The following HRK variants were observed in gnomAD, a reference collection of about 807,000 sequenced individuals.
HRK encodes activator of apoptosis harakiri.
In HRK, 6 loss-of-function variants were observed where a neutral mutation model predicts 5.9. That is an observed-to-expected ratio of 1.02 (90% confidence interval 0.56 to 2.01). HRK has a LOEUF of 2.01. HRK is among the 30% of genes most tolerant of loss of function. The pLI, the probability that HRK is intolerant of heterozygous loss-of-function variation, is 0.00. For synonymous variants in HRK, 85 were observed against 65.1 expected (o/e 1.31, Z -1.47); for missense variants, 133 against 128.3 (o/e 1.04, Z -0.18).
At position 116,861,012 on chromosome 12, in the gene HRK, T is replaced by G. The variant is rs951618317; in HGVS notation, c.*511A>C. ...TCACTTTTTTTTTCTATCATGCCTT[T>G]TGCACTGTTACCTCTTATTCCACCA... On this transcript the variant is annotated 3_prime_UTR_variant, in exon 2 of 2. Coordinates refer to ENST00000257572, the MANE Select transcript of HRK (RefSeq NM_003806.4). The G allele has an allele frequency of 6.6e-5, 10 of 152,134 alleles. No individual in the cohort carries two copies. Among genetic ancestry groups the G allele is most frequent in the African/African-American group, 9.7e-5 (4 of 41,434 alleles). 9.4% of individuals were successfully genotyped at this position (152,134 alleles called of 1,614,324 possible).
At position 116,859,451 on chromosome 12, in the gene HRK, T is replaced by C. The variant is rs954656209; in HGVS notation, c.*2072A>G. The C allele has an allele frequency of 1.3e-5, 2 of 152,134 alleles. No homozygotes were observed. Among genetic ancestry groups the C allele is most frequent in the Non-Finnish European group, 2.9e-5 (2 of 68,036 alleles). 9.4% of individuals were successfully genotyped at this position (152,134 alleles called of 1,614,324 possible). On this transcript the variant is annotated 3_prime_UTR_variant, in exon 2 of 2. Coordinates refer to ENST00000257572, the MANE Select transcript of HRK (RefSeq NM_003806.4). ...GTCTGTGGCTAAGAAAGTGATTAAA[T>C]AGAAGCAGTGACTGTATTTCATATT...
chr12:116,875,851 CAT>C (rs1878908209), intron 1 of HRK, among the ~76,000 whole-genome samples: 1 of 152,116 alleles, frequency 6.6e-6, no homozygotes, highest in Non-Finnish European at 1.5e-5. Context: ...GCTGATGTTG[CAT>C]AGTTTCTGAT....
At chr12:116,874,206 T>A (rs1878856413) in intron 1 of HRK, among the ~76,000 whole-genome samples, 2 of 152,204 alleles carry the variant, frequency 1.3e-5, no homozygotes, top group African/African-American at 4.8e-5. Flanking sequence ...CATCTCTGCA[T>A]CCCTGCATCT....
At chr12:116,868,967 C>T (rs997679479) in intron 1 of HRK, among the ~76,000 whole-genome samples, 1 of 65,410 alleles carries the variant, frequency 1.5e-5, no homozygotes, top group Non-Finnish European at 4.2e-5. Context: ...ACTTCTTCTT[C>T]GTTTTTTTTT....
At chr12:116,872,482 TAA>T (rs1179514421) in intron 1 of HRK, among the ~76,000 whole-genome samples, 1 of 152,016 alleles carries the variant, frequency 6.6e-6, no homozygotes, top group Non-Finnish European at 1.5e-5. Flanking sequence ...TTCCAAGTCT[TAA>T]AGTACCTATC....
In HRK at chr12:116,856,974, G is replaced by A. The variant is rs1056294938; in HGVS notation, c.*4549C>T. The A allele has an allele frequency of 6.6e-6, 1 of 152,246 alleles. No homozygotes were observed. The highest frequency in any genetic ancestry group is 1.5e-5 in the Non-Finnish European group (1 of 68,052). 9.4% of individuals were successfully genotyped at this position (152,246 alleles called of 1,614,324 possible). On this transcript the variant is annotated 3_prime_UTR_variant, in exon 2 of 2. Transcript: ENST00000257572. The surrounding 1 kb of genome is among the most constrained non-coding windows in gnomAD (Gnocchi z 4.4). ...CGAGCACGCCATAAAAGGTAGCTTT[G>A]ATTATTGTGTAAAGCAGCAAGGACC...
rs994088252 is a variant in HRK, at chr12:116,879,608, G to A, written c.*56+1368C>T. ...TGGATGGGACCCCCGGCGCCCGGGA[G>A]CCGGGCAGAGAGCGCCCCGAAGCGC... On this transcript the variant is annotated intron_variant, in intron 1 of 1. Transcript: ENST00000257572. The surrounding 1 kb of genome is among the most constrained non-coding windows in gnomAD (Gnocchi z 5.6). The A allele has an allele frequency of 7.9e-5, 12 of 152,226 alleles. No homozygotes were observed. The highest frequency in any genetic ancestry group is 2.9e-4 in the African/African-American group (12 of 41,460). The allele number at this position is 152,226 out of a possible 1,614,324, so 9.4% of individuals were successfully genotyped here. A position where few individuals can be genotyped will look rare whatever the true frequency, so the allele number is the denominator to read the frequency against.
At chr12:116,873,132 T>C (rs1878820015) in intron 1 of HRK, among the ~76,000 whole-genome samples, 1 of 151,992 alleles carries the variant, frequency 6.6e-6, no homozygotes, top group South Asian at 2.1e-4. Flanking sequence ...TTTTTTTGTT[T>C]TGTTTTGTTT....
chr12:116,870,402 A>G (rs1878704811), intron 1 of HRK, among the ~76,000 whole-genome samples: 1 of 151,982 alleles, frequency 6.6e-6, no homozygotes, highest in African/African-American at 2.4e-5. Flanking sequence ...CGTCATCCAC[A>G]CTCCCACACT....
rs1184409597 is a variant in HRK at position 116,860,555 on chromosome 12, T to G, written c.*968A>C. 1 of 152,098 alleles carries G rather than the reference T, an allele frequency of 6.6e-6. No individual in the cohort carries two copies. Among genetic ancestry groups the G allele is most frequent in the African/African-American group, 2.4e-5 (1 of 41,390 alleles). The allele number at this position is 152,098 out of a possible 1,614,324, so 9.4% of individuals were successfully genotyped here. A position where few individuals can be genotyped will look rare whatever the true frequency, so the allele number is the denominator to read the frequency against. ...GGTGGGGGAGATAGCAACCAAGTCA[T>G]GCATGAGGTCAGCTTTCTGCCTCAT... is the stretch of plus-strand genomic sequence containing the variant. On this transcript the variant is annotated 3_prime_UTR_variant, in exon 2 of 2. Transcript: ENST00000257572.
At chr12:116,874,121 G>C (rs1425534292) in intron 1 of HRK, among the ~76,000 whole-genome samples, 2 of 152,108 alleles carry the variant, frequency 1.3e-5, no homozygotes, top group Admixed American at 6.6e-5. Flanking sequence ...TAAGAGGTGA[G>C]GGCAGGGGCA....
chr12:116,881,176 C>A lies in HRK; in HGVS notation c.132G>T (p.Leu44=). The stretch of plus-strand genomic sequence containing the variant: ...GGCGCCGCCACATGGTGCGCTGGTG[C>A]AGCTCGTCGCCTAGCGCCTTGAGCC... ...AARLKALGDE[L]HQRTMWRRRA... The change falls in exon 1 of 2, where the codon CTG becomes CTT. Residue 44 remains leucine (L), a synonymous_variant. Coordinates refer to ENST00000257572, the MANE Select transcript of HRK (RefSeq NM_003806.4). 8.6e-7 allele frequency: 1 copy of A among 1,165,226 alleles called. No homozygotes were observed. The highest frequency in any genetic ancestry group is 4.1e-5 in the South Asian group (1 of 24,370). The allele number at this position is 1,165,226 out of a possible 1,614,324, so 72.2% of individuals were successfully genotyped here.
In HRK at chr12:116,861,270, G is replaced by A. The variant is rs1239109914; in HGVS notation, c.*253C>T. ...ATATATATAGAGCTGTATGTAAATA[G>A]CATTGGGGTGTCTGTTTCTGCAGCT... On this transcript the variant is annotated 3_prime_UTR_variant, in exon 2 of 2. Transcript: ENST00000257572. 1 of 152,178 alleles carries A rather than the reference G, an allele frequency of 6.6e-6. No homozygotes were observed. The highest frequency in any genetic ancestry group is 1.5e-5 in the Non-Finnish European group (1 of 68,062). 9.4% of individuals were successfully genotyped at this position (152,178 alleles called of 1,614,324 possible). A position where few individuals can be genotyped will look rare whatever the true frequency, so the allele number is the denominator to read the frequency against.
rs987420683 is a variant in HRK at position 116,859,794 on chromosome 12, A to G, written c.*1729T>C. 7 of 152,366 alleles carry G rather than the reference A, an allele frequency of 4.6e-5. No homozygotes were observed. Among genetic ancestry groups the G allele is most frequent in the Non-Finnish European group, 7.3e-5 (5 of 68,062 alleles). 9.4% of individuals were successfully genotyped at this position (152,366 alleles called of 1,614,324 possible). ...GAAGACAGAAAGAAATCCAGCTCCC[A>G]GCTTGCAGCAGCACTGAGAGGTTGT... On this transcript the variant is annotated 3_prime_UTR_variant, in exon 2 of 2. Coordinates refer to ENST00000257572, the MANE Select transcript of HRK (RefSeq NM_003806.4).
rs866147240 is a variant in HRK at position 116,880,971 on chromosome 12, C to T, written c.*56+5G>A. 99 of 1,221,432 alleles carry T rather than the reference C, an allele frequency of 8.1e-5. 1 individual carries two copies. The highest frequency in any genetic ancestry group is 3.2e-4 in the Middle Eastern group (1 of 3,166). 75.7% of individuals were successfully genotyped at this position (1,221,432 alleles called of 1,614,324 possible). A position where few individuals can be genotyped will look rare whatever the true frequency, so the allele number is the denominator to read the frequency against. ...GCCCCGGCTCTCGCTCGCTCGCTCG[C>T]GTACCTGTTGCTCGCTCCGGCTGGG... is the stretch of plus-strand genomic sequence containing the variant. On this transcript the variant is annotated splice_donor_5th_base_variant and intron_variant, in intron 1 of 1. Transcript: ENST00000257572.
In HRK at chr12:116,881,016, A is replaced by C; in HGVS notation, c.*16T>G. On this transcript the variant is annotated 3_prime_UTR_variant, in exon 1 of 2. Transcript: ENST00000257572. ...GCTGGGTCTCGGCTCCGGCCCCACC[A>C]AGAAGCCCCGCGTTCCTACAAGTTC... 2 of 1,314,410 alleles carry C rather than the reference A, an allele frequency of 1.5e-6. No individual in the cohort carries two copies. The highest frequency in any genetic ancestry group is 9.7e-7 in the Non-Finnish European group (1 of 1,035,076). The allele number at this position is 1,314,410 out of a possible 1,614,324, so 81.4% of individuals were successfully genotyped here.
chr12:116,863,720 A>T (rs1360446593), intron 1 of HRK, among the ~76,000 whole-genome samples: 2 of 151,038 alleles, frequency 1.3e-5, no homozygotes, highest in Non-Finnish European at 3.0e-5. Context: ...TTTTAAAGAA[A>T]CTGGGTCTCG....
chr12:116,881,159 C>T lies in HRK; in HGVS notation c.149G>A (p.Trp50Ter). The T allele has an allele frequency of 1.7e-6, 2 of 1,179,714 alleles. No homozygotes were observed. The highest frequency in any genetic ancestry group is 2.1e-6 in the Non-Finnish European group (2 of 956,238). 73.1% of individuals were successfully genotyped at this position (1,179,714 alleles called of 1,614,324 possible). Residue 50 changes from tryptophan to a stop codon, truncating the protein, a stop_gained, in exon 1 of 2, where the codon TGG (tryptophan) becomes TAG (stop). Coordinates refer to ENST00000257572, the MANE Select transcript of HRK (RefSeq NM_003806.4). LOFTEE classifies it high-confidence loss of function. ...CCTCCGGCTCCGCGCGCGGCGCCGCCACATGGTGCGCTGGTGCAGCTCGTC... is the reference window on the plus strand; with the variant it reads ...CCTCCGGCTCCGCGCGCGGCGCCGCTACATGGTGCGCTGGTGCAGCTCGTC... ...LGDELHQRTM[W>*]RRRARSRRAP...
rs145610860 is a variant in HRK at position 116,861,742 on chromosome 12, A to G, written c.*57-276T>C. 1.3e-3 allele frequency among the ~76,000 whole-genome samples: 204 copies of G among 152,314 alleles called. 1 individual carries two copies. The highest frequency in any genetic ancestry group is 4.4e-3 in the African/African-American group (184 of 41,576). On this transcript the variant is annotated intron_variant, in intron 1 of 1. Transcript: ENST00000257572. ...CCCCTCTCTGCTTTTAGACCTAGAT[A>G]TTTACATAGGCATCTTCAGAGATGT... is the stretch of plus-strand genomic sequence containing the variant.
Sources: gnomAD v4.1 joint callset for allele counts (sites outside exome capture counted in the v4.1 genomes callset) on GRCh38, gnomAD v4.1.1 for gene constraint, Gnocchi (gnomAD v3.1) non-coding constraint, MANE v1.5 for transcripts, NCBI Gene and HGNC (gene_info 2026-07-23, HGNC 2026-07-21) for gene names.